AGO1: variants seen among roughly 807,000 people sequenced by gnomAD.
AGO1 encodes the protein protein argonaute-1.
A neutral mutation model predicts 109.2 loss-of-function variants in AGO1; 11 were observed. The observed-to-expected ratio is 0.10, with a 90% confidence interval of 0.06 to 0.17. The LOEUF (loss-of-function observed/expected upper bound fraction) is 0.17, where lower values mean the gene tolerates loss of function less well. Ranked by LOEUF, AGO1 falls within the 10% of genes least tolerant of loss-of-function variation. The pLI, the probability that AGO1 is intolerant of heterozygous loss-of-function variation, is 1.00. For synonymous variants in AGO1, 422 were observed against 418.6 expected, an observed-to-expected ratio of 1.01 and a Z score of -0.10; for missense variants, 574 against 1,140.3, an observed-to-expected ratio of 0.50 and a Z score of 7.15.
In AGO1 at chr1:35,901,906, C is replaced by T. The variant is rs761882370; in HGVS notation, c.1141-42C>T. On this transcript the variant is annotated intron_variant, in intron 9 of 18. Transcript: ENST00000373204. This position sits in a 1 kb window ranked among gnomAD's most constrained non-coding sequence, Gnocchi z 4.8. ...ATACCCAGAGGGTGAGCAGTATTGCCAAGCTCCTGTTCTCCTGAGATTGCT... is the reference window on the plus strand; with the variant it reads ...ATACCCAGAGGGTGAGCAGTATTGCTAAGCTCCTGTTCTCCTGAGATTGCT... 4.5e-6 allele frequency: 7 copies of T among 1,547,046 alleles called. No individual in the cohort carries two copies. Among genetic ancestry groups the T allele is most frequent in the Non-Finnish European group, 4.4e-6 (5 of 1,147,450 alleles).
chr1:35,879,761 AAG>A (rs1645021234), upstream of AGO1, among the ~76,000 whole-genome samples: 2 of 149,716 alleles, frequency 1.3e-5, no homozygotes, highest in African/African-American at 4.9e-5. Context: ...AAAAAAAAAA[AAG>A]CAAAATGCTA....
At chr1:35,918,572 G>A (rs572261545) in intron 17 of AGO1, 149 bp downstream of exon 17, 1 of 765,666 alleles carries the variant, frequency 1.3e-6, no homozygotes, top group African/African-American at 1.7e-5. Flanking sequence ...TTTTGAGGCG[G>A]AGTCTCACTC....
At chr1:35,904,404 C>G (rs770358808) in intron 11 of AGO1, among the ~76,000 whole-genome samples, 4 of 152,196 alleles carry the variant, frequency 2.6e-5, no homozygotes, top group Non-Finnish European at 5.9e-5. Flanking sequence ...CGTGCCTGGC[C>G]TTTTTCTGAG....
At chr1:35,874,451 A>G (rs996829586) in intron 1 of AGO1, among the ~76,000 whole-genome samples, 61 of 152,214 alleles carry the variant, frequency 4.0e-4, no homozygotes, top group Admixed American at 1.4e-3. Context: ...TGCTGGGATT[A>G]TGGGCATGAG....
chr1:35,904,306 C>T (rs1408498595), intron 11 of AGO1, among the ~76,000 whole-genome samples: 1 of 151,904 alleles, frequency 6.6e-6, no homozygotes, highest in Non-Finnish European at 1.5e-5. Context: ...GGGGTTTCAC[C>T]ATGTTAACCA....
chr1:35,886,811 A>G (rs1010366163), intron 1 of AGO1, among the ~76,000 whole-genome samples: 1 of 152,200 alleles, frequency 6.6e-6, no homozygotes, highest in African/African-American at 2.4e-5. Flanking sequence ...ATTTCATATC[A>G]GTATGTTGAA....
At chr1:35,916,657 C>T (rs1387285690) in intron 15 of AGO1, among the ~76,000 whole-genome samples, 2 of 152,240 alleles carry the variant, frequency 1.3e-5, no homozygotes, top group African/African-American at 2.4e-5. Flanking sequence ...CGTGAGCCAC[C>T]GTGCCCGGCC....
intron 8 of AGO1, among the ~76,000 whole-genome samples, chr1:35,896,688 T>C (rs1026355292): frequency 1.3e-5 from 2 of 152,122 alleles, no homozygotes; most frequent in African/African-American, 2.4e-5. Context: ...ACAGCAGAAG[T>C]CAGATAGCCC....
At chr1:35,896,783 A>C (rs1307670962) in intron 8 of AGO1, among the ~76,000 whole-genome samples, 1 of 152,220 alleles carries the variant, frequency 6.6e-6, no homozygotes, top group Non-Finnish European at 1.5e-5. Context: ...AGAGATCCCC[A>C]AAACCAAGAA....
At chr1:35,882,406 A>G (rs551588368), upstream of AGO1, among the ~76,000 whole-genome samples, 158 of 152,308 alleles carry the variant, frequency 1.0e-3, no homozygotes, top group Non-Finnish European at 1.9e-3. The surrounding 1 kb of genome is among the most constrained non-coding windows in gnomAD (Gnocchi z 5.1). Flanking sequence ...GACTTAGGCA[A>G]TAGGAGACTG....
chr1:35,895,288 G>T lies in AGO1; in HGVS notation c.1020+19G>T. The T allele has an allele frequency of 6.2e-7, 1 of 1,608,716 alleles. No homozygotes were observed. On this transcript the variant is annotated intron_variant, in intron 8 of 18. Transcript: ENST00000373204. ...CCTAGAGGTGAGATTGCCAAGTAATGGCTGGGGAATAGGCATTGTATATAC... is the reference window on the plus strand; with the variant it reads ...CCTAGAGGTGAGATTGCCAAGTAATTGCTGGGGAATAGGCATTGTATATAC...
chr1:35,920,320 T>C lies in AGO1; in HGVS notation c.*713T>C, dbSNP rs1645808782. The C allele has an allele frequency of 6.6e-6, 1 of 152,580 alleles. No homozygotes were observed. Among genetic ancestry groups the C allele is most frequent in the South Asian group, 2.1e-4 (1 of 4,830 alleles). 9.5% of individuals were successfully genotyped at this position (152,580 alleles called of 1,614,324 possible). A position where few individuals can be genotyped will look rare whatever the true frequency, so the allele number is the denominator to read the frequency against. ...GCCCCTAGTAATACTTAAGGCACTATGGCACTTAGCTTTGAAGTGACACGA... is the reference window on the plus strand; with the variant it reads ...GCCCCTAGTAATACTTAAGGCACTACGGCACTTAGCTTTGAAGTGACACGA... On this transcript the variant is annotated 3_prime_UTR_variant, in exon 19 of 19. Coordinates refer to ENST00000373204, the MANE Select transcript of AGO1 (RefSeq NM_012199.5).
Position 35,875,417 on chromosome 1 carries a change from A to C in AGO1, c.-201+5514A>C, listed in dbSNP as rs199938147. Among the ~76,000 whole-genome samples the C allele has an allele frequency of 1.1e-4, 17 of 151,162 alleles. No individual in the cohort carries two copies. The East Asian group carries it at 3.3e-3, about 29-fold the overall frequency. ...TTTTTACAGCATGGTTTACTGATTT[A>C]TTTATTTATTTTTTGAGACAAAGTC... On this transcript the variant is annotated intron_variant, in intron 1 of 18. Transcript: ENST00000373206.
chr1:35,918,563 T>C (rs1006498867), intron 17 of AGO1, 140 bp downstream of exon 17: 1 of 819,464 alleles, frequency 1.2e-6, no homozygotes, highest in East Asian at 2.6e-5. Flanking sequence ...TTTGTTTTGT[T>C]TTGAGGCGGA....
chr1:35,919,211 G>A lies in AGO1; in HGVS notation c.2422G>A (p.Ala808Thr). The change falls in exon 18 of 19, where the codon GCT becomes ACT. Residue 808 changes from alanine to threonine, a missense_variant. Ala to Thr is a moderately conservative substitution (Grantham distance 58). This residue lies in a region of AGO1 where 62 missense variants were observed against 192.0 expected (regional missense o/e 0.32). Coordinates refer to ENST00000373204, the MANE Select transcript of AGO1 (RefSeq NM_012199.5). This position sits in a 1 kb window ranked among gnomAD's most constrained non-coding sequence, Gnocchi z 6.6. ...ACCTGCCTACTATGCCCGCCTGGTGGCTTTCCGGGCACGATACCACCTGGT... is the reference window on the plus strand; with the variant it reads ...ACCTGCCTACTATGCCCGCCTGGTGACTTTCCGGGCACGATACCACCTGGT... ...PAPAYYARLVAFRARYHLVDK... is the reference protein window; with the variant it reads ...PAPAYYARLVTFRARYHLVDK... 1 of 1,614,122 alleles carries A rather than the reference G, an allele frequency of 6.2e-7. No individual in the cohort carries two copies. The highest frequency in any genetic ancestry group is 2.2e-5 in the East Asian group (1 of 44,882).
rs371343289 is a variant in AGO1 at position 35,870,936 on chromosome 1, GT to G, written c.-201+1036del. On this transcript the variant is annotated intron_variant, in intron 1 of 18. Transcript: ENST00000373206. ...CTTGTTTGTTGTCACTCAGTATCAT[GT>G]TTCTGAGATTTATGTATATCACAAT... 5.1e-3 allele frequency among the ~76,000 whole-genome samples: 770 copies of G among 152,286 alleles called. 12 individuals carry two copies. The highest frequency in any genetic ancestry group is 0.018 in the African/African-American group (729 of 41,558).
chr1:35,906,968 G>A lies in AGO1; in HGVS notation c.1431G>A (p.Lys477=). Residue 477 remains lysine, a synonymous_variant, in exon 12 of 19, where the codon AAG becomes AAA. Coordinates refer to ENST00000373204, the MANE Select transcript of AGO1 (RefSeq NM_012199.5). ...NFTDQLRKIS[K]DAGMPIQGQP... Reference sequence around the variant, plus strand: ...CAGACCAGCTGCGGAAGATTTCCAAGGATGCGGGGATGCCTATCCAGGGTC... The same window carrying A: ...CAGACCAGCTGCGGAAGATTTCCAAAGATGCGGGGATGCCTATCCAGGGTC... The A allele has an allele frequency of 6.2e-7, 1 of 1,613,958 alleles. No homozygotes were observed.
chr1:35,908,464 C>T (rs1435952910), intron 12 of AGO1, among the ~76,000 whole-genome samples: 1 of 152,216 alleles, frequency 6.6e-6, no homozygotes, highest in African/African-American at 2.4e-5. Context: ...CTTGAACCCT[C>T]TGCAGCTTTG....
rs752194420 is a variant in AGO1 at position 35,917,736 on chromosome 1, G to A, written c.2163+9G>A. ...CTGACAAGAATGAGCGAGTGAGTGA[G>A]GGACTGAGGCCTCCCATCCCCTCCT... On this transcript the variant is annotated intron_variant, in intron 16 of 18. Transcript: ENST00000373204. 1.2e-6 allele frequency: 2 copies of A among 1,610,364 alleles called. No homozygotes were observed. The highest frequency in any genetic ancestry group is 1.1e-5 in the South Asian group (1 of 90,900).
Sources: allele counts gnomAD v4.1 joint callset (sites outside exome capture counted in the v4.1 genomes callset), GRCh38; gene constraint gnomAD v4.1.1; regional missense constraint gnomAD v4.1.1; non-coding constraint Gnocchi (gnomAD v3.1); transcripts MANE v1.5; gene names NCBI Gene and HGNC (gene_info 2026-07-23, HGNC 2026-07-21).